FANK1: variants seen among roughly 807,000 people sequenced by gnomAD.
The protein encoded by FANK1 is fibronectin type III and ankyrin repeat domains 1.
FANK1 carries 44 observed loss-of-function variants against 45.3 expected under a neutral mutation model. The ratio of observed to expected loss-of-function variants is 0.97; its 90% CI spans 0.76 to 1.25. The LOEUF is 1.25. Ranked by LOEUF, FANK1 falls within the 50% of genes most tolerant of loss-of-function variation. The pLI, the probability that FANK1 is intolerant of heterozygous loss-of-function variation, is 0.00. For synonymous variants in FANK1, 149 were observed against 152.5 expected (o/e 0.98, Z 0.17); for missense variants, 391 against 424.4 (o/e 0.92, Z 0.69).
intron 1 of FANK1, among the ~76,000 whole-genome samples, chr10:125,930,870 C>T (rs1947706843): frequency 6.6e-6 from 1 of 152,092 alleles, no homozygotes; most frequent in South Asian, 2.1e-4. Flanking sequence ...TTGCCCCCTC[C>T]ACACCCTTAC....
chr10:125,990,855 G>A (rs1951878191), intron 3 of FANK1, among the ~76,000 whole-genome samples: 2 of 152,222 alleles, frequency 1.3e-5, no homozygotes, highest in Non-Finnish European at 2.9e-5. Flanking sequence ...GGAAGGCAAA[G>A]AAGGAGTAAA....
At chr10:125,987,462 G>T (rs992914311) in intron 2 of FANK1, among the ~76,000 whole-genome samples, 20 of 151,854 alleles carry the variant, frequency 1.3e-4, no homozygotes. Flanking sequence ...TATGGAGAAT[G>T]GTCCAAGGGA....
chr10:125,997,548 G>T, intron 6 of FANK1, 63 bp downstream of exon 6: 1 of 1,484,148 alleles, frequency 6.7e-7, no homozygotes, highest in Non-Finnish European at 9.3e-7. Context: ...CTAGGCTTGT[G>T]CCCAGAGGGG....
chr10:125,928,484 A>T (rs1947530563), intron 1 of FANK1, among the ~76,000 whole-genome samples: 1 of 151,952 alleles, frequency 6.6e-6, no homozygotes, highest in African/African-American at 2.4e-5. Flanking sequence ...CTCCTATTTC[A>T]TCCTATAACT....
intron 1 of FANK1, among the ~76,000 whole-genome samples, chr10:125,948,979 A>C (rs1249335076): frequency 2.0e-5 from 3 of 147,350 alleles, no homozygotes; most frequent in Non-Finnish European, 3.0e-5. Context: ...CAAATCAATA[A>C]ATGTAATCCA....
rs1277236512 is a variant in FANK1 at position 125,945,752 on chromosome 10, A to G, written c.14-34409A>G. ...CTCGAACTGGGTGGAGCCCACCACA[A>G]CTCAAGGAGGCCTGCCTGCCTCTGT... On this transcript the variant is annotated intron_variant, in intron 1 of 10. Transcript: ENST00000368693. Among the ~76,000 whole-genome samples, 8 of 152,082 alleles carry G rather than the reference A, an allele frequency of 5.3e-5. No homozygotes were observed. The South Asian group carries it at 8.3e-4, about 16-fold the overall frequency.
intron 2 of FANK1, among the ~76,000 whole-genome samples, chr10:125,981,594 A>C (rs918559170): frequency 2.0e-5 from 3 of 152,194 alleles, no homozygotes; most frequent in Non-Finnish European, 4.4e-5. Flanking sequence ...TGAAAAATGC[A>C]AAATGACTAT....
At chr10:125,965,916 G>A (rs1950179815) in intron 1 of FANK1, among the ~76,000 whole-genome samples, 1 of 152,186 alleles carries the variant, frequency 6.6e-6, no homozygotes, top group Non-Finnish European at 1.5e-5. Context: ...ACTACCTTAT[G>A]TTCGTGAAGT....
intron 1 of FANK1, among the ~76,000 whole-genome samples, chr10:125,910,767 G>C (rs994618658): frequency 6.6e-6 from 1 of 152,212 alleles, no homozygotes; most frequent in Non-Finnish European, 1.5e-5. Context: ...GGGTGCGGTG[G>C]CTCACTCCTG....
intron 1 of FANK1, among the ~76,000 whole-genome samples, chr10:125,969,827 T>C (rs1950384623): frequency 6.6e-6 from 1 of 152,148 alleles, no homozygotes; most frequent in East Asian, 1.9e-4. Flanking sequence ...TGGTGATGAC[T>C]CTTAACGAGC....
rs541900342 is a variant in FANK1, at chr10:125,945,544, G to A, written c.14-34617G>A. Reference sequence around the variant, plus strand: ...ACCCGAATATTGTGCTTTTCAGACCGGCTTAAAAAACGGCGAACCACGAGA... The same window carrying A: ...ACCCGAATATTGTGCTTTTCAGACCAGCTTAAAAAACGGCGAACCACGAGA... On this transcript the variant is annotated intron_variant, in intron 1 of 10. Transcript: ENST00000368693. 9.8e-5 allele frequency among the ~76,000 whole-genome samples: 15 copies of A among 152,308 alleles called. No homozygotes were observed. The East Asian group carries it at 1.9e-3, about 20-fold the overall frequency.
chr10:125,985,945 C>T (rs1330488952), intron 2 of FANK1, among the ~76,000 whole-genome samples: 2 of 147,204 alleles, frequency 1.4e-5, no homozygotes, highest in African/African-American at 5.4e-5. Context: ...TTGAGCTTCT[C>T]CTCCCTGCTT....
chr10:125,942,713 A>G (rs1948528572), intron 1 of FANK1, among the ~76,000 whole-genome samples: 1 of 152,108 alleles, frequency 6.6e-6, no homozygotes, highest in African/African-American at 2.4e-5. Context: ...TCATTTTACT[A>G]ACTGAATTAT....
intron 1 of FANK1, among the ~76,000 whole-genome samples, chr10:125,900,915 G>A (rs1237005824): frequency 6.6e-6 from 1 of 152,120 alleles, no homozygotes; most frequent in African/African-American, 2.4e-5. Context: ...CTCCCAAAGT[G>A]CTGGGATTAT....
chr10:125,968,420 C>G (rs1220557707), intron 1 of FANK1, among the ~76,000 whole-genome samples: 1 of 152,214 alleles, frequency 6.6e-6, no homozygotes, highest in Non-Finnish European at 1.5e-5. Context: ...ACTGCAGATG[C>G]CCCTTGCCAG....
At chr10:125,964,393 A>C (rs778407431) in intron 1 of FANK1, among the ~76,000 whole-genome samples, 1 of 151,762 alleles carries the variant, frequency 6.6e-6, no homozygotes, top group Non-Finnish European at 1.5e-5. Context: ...GGGTTTCACT[A>C]TGTTGGCCAG....
At chr10:125,910,951 T>C (rs1200044774) in intron 1 of FANK1, among the ~76,000 whole-genome samples, 10 of 151,788 alleles carry the variant, frequency 6.6e-5, no homozygotes, top group Admixed American at 6.6e-4. Context: ...GGAGAATTAC[T>C]TGAACCCGGG....
chr10:125,966,033 C>T (rs1950186106), intron 1 of FANK1, among the ~76,000 whole-genome samples: 1 of 152,176 alleles, frequency 6.6e-6, no homozygotes, highest in African/African-American at 2.4e-5. Flanking sequence ...CCCCACTTTT[C>T]CTGATGAGGA....
intron 2 of FANK1, among the ~76,000 whole-genome samples, chr10:125,987,567 T>C (rs1951647823): frequency 6.6e-6 from 1 of 151,808 alleles, no homozygotes; most frequent in Non-Finnish European, 1.5e-5. Context: ...AAACCAAGGC[T>C]TTGAGTAGAA....
Sources: allele counts gnomAD v4.1 joint callset (sites outside exome capture counted in the v4.1 genomes callset), GRCh38; gene constraint gnomAD v4.1.1; transcripts MANE v1.5; gene names NCBI Gene and HGNC (gene_info 2026-07-23, HGNC 2026-07-21).